CCDC66: variants seen among roughly 807,000 people sequenced by gnomAD.
The protein encoded by CCDC66 is coiled-coil domain containing 66.
A neutral mutation model predicts 128.3 loss-of-function variants in CCDC66; 133 were observed. The observed-to-expected ratio is 1.04, with a 90% CI of 0.90 to 1.20. The LOEUF (loss-of-function observed/expected upper bound fraction) is 1.20, where lower values mean the gene tolerates loss of function less well. CCDC66 is among the 50% of genes most tolerant of loss of function. The pLI is 0.00. For synonymous variants in CCDC66, 387 were observed against 357.0 expected, an observed-to-expected ratio of 1.08 and a Z score of -0.95; for missense variants, 1,126 against 1,075.5, an observed-to-expected ratio of 1.05 and a Z score of -0.66.
intron 7 of CCDC66, among the ~76,000 whole-genome samples, chr3:56,585,627 C>T (rs1472810426): frequency 6.6e-6 from 1 of 151,688 alleles, no homozygotes; most frequent in Non-Finnish European, 1.5e-5. Context: ...CTTCTTCAAG[C>T]ATTTAAATAT....
intron 14 of CCDC66, 178 bp from the exon 15 acceptor site, chr3:56,617,994 G>C (rs2075734831): frequency 4.9e-6 from 3 of 617,182 alleles, no homozygotes; most frequent in Non-Finnish European, 8.6e-6. Context: ...TGGGAGATTA[G>C]GAACTCCCAA....
chr3:56,616,621 T>C (rs1406782655), intron 13 of CCDC66: 2 of 155,564 alleles, frequency 1.3e-5, no homozygotes, highest in African/African-American at 2.4e-5. Flanking sequence ...AACATTCATA[T>C]ATAGATTTTT....
intron 7 of CCDC66, among the ~76,000 whole-genome samples, chr3:56,586,646 A>C (rs2069813016): frequency 6.6e-6 from 1 of 151,964 alleles, no homozygotes; most frequent in African/African-American, 2.4e-5. Flanking sequence ...CAAGATAACA[A>C]GAATCAACTC....
At chr3:56,564,250 ATAAT>A (rs1392128553) in intron 4 of CCDC66, 125 bp downstream of exon 4, 1 of 683,046 alleles carries the variant, frequency 1.5e-6, no homozygotes, top group African/African-American at 2.0e-5. Context: ...ATCTATTAAA[ATAAT>A]TGTTCTTTTA....
intron 7 of CCDC66, among the ~76,000 whole-genome samples, chr3:56,588,587 G>T (rs78660090): frequency 2.6e-4 from 39 of 152,206 alleles, no homozygotes; most frequent in African/African-American, 9.2e-4. Context: ...CACCAAGTGG[G>T]GTGATGTTAA....
At chr3:56,563,442 G>C (rs6792321) in intron 3 of CCDC66, 151,005 of 393,758 alleles carry the variant, frequency 0.38, 33,412 homozygotes, top group Non-Finnish European at 0.48. Context: ...AATGACATAA[G>C]ATTCAAAGCT....
At position 56,563,990 on chromosome 3, in the gene CCDC66, A is replaced by G. The variant is rs775743963; in HGVS notation, c.409A>G (p.Lys137Glu). ...TSLVGKQKPH[K>E]KHITAENMKS... is the part of the protein sequence containing the mutation. ...TCTAGTAGGTAAACAGAAGCCTCAC[A>G]AAAAACACATCACAGCTGAAAACAT... Residue 137 changes from lysine (K) to glutamate (E), a missense_variant, in exon 4 of 18, where the codon AAA becomes GAA. Coordinates refer to ENST00000394672, the MANE Select transcript of CCDC66 (RefSeq NM_001141947.3). 2.4e-5 allele frequency: 39 copies of G among 1,613,900 alleles called. No homozygotes were observed. The Admixed American group carries it at 5.2e-4, about 21-fold the overall frequency.
chr3:56,618,111 T>C, intron 14 of CCDC66, 61 bp from the exon 15 acceptor site: 5 of 1,296,280 alleles, frequency 3.9e-6, no homozygotes, highest in South Asian at 2.4e-5. Context: ...CCTAAAAATA[T>C]TTGTGGGGAC....
At chr3:56,621,276 C>T (rs2076563888) in intron 17 of CCDC66, 1 of 284,252 alleles carries the variant, frequency 3.5e-6, no homozygotes, top group Non-Finnish European at 6.5e-6. Flanking sequence ...TCATTTACCC[C>T]CATAGTTATG....
chr3:56,589,312 C>CAA (rs988540270), intron 7 of CCDC66, among the ~76,000 whole-genome samples: 1 of 152,128 alleles, frequency 6.6e-6, no homozygotes, highest in Non-Finnish European at 1.5e-5. Flanking sequence ...AAAAACCCAA[C>CAA]AAAATAAACT....
intron 14 of CCDC66, 104 bp from the exon 15 acceptor site, chr3:56,618,068 A>G (rs757670876): frequency 2.3e-4 from 213 of 927,762 alleles, no homozygotes; most frequent in Non-Finnish European, 3.5e-4. Context: ...CCTGTTATTC[A>G]AATATTACCC....
At chr3:56,613,543 T>A in intron 10 of CCDC66, 46 bp from the exon 11 acceptor site, 1 of 1,589,964 alleles carries the variant, frequency 6.3e-7, no homozygotes, top group East Asian at 2.2e-5. Flanking sequence ...CCCTCCTGCT[T>A]AGATTTTTAT....
chr3:56,593,608 C>T lies in CCDC66; in HGVS notation c.1186C>T (p.Pro396Ser). The change falls in exon 9 of 18, where the codon CCT becomes TCT. Residue 396 changes from proline to serine, a missense_variant. Coordinates refer to ENST00000394672, the MANE Select transcript of CCDC66 (RefSeq NM_001141947.3). Reference sequence around the variant, plus strand: ...ACAACCTGAGTACTTCTGTGTCTCTCCTGACACTCAGGAGCTGGCTGATGT... The same window carrying T: ...ACAACCTGAGTACTTCTGTGTCTCTTCTGACACTCAGGAGCTGGCTGATGT... ...HKQPEYFCVS[P>S]DTQELADVSS... The T allele has an allele frequency of 1.2e-6, 2 of 1,614,158 alleles. No individual in the cohort carries two copies. Among genetic ancestry groups the T allele is most frequent in the South Asian group, 2.2e-5 (2 of 91,074 alleles).
rs772968014 is a variant in CCDC66, at chr3:56,619,327, C to T, written c.2435C>T (p.Thr812Ile). 20 of 1,613,186 alleles carry T rather than the reference C, an allele frequency of 1.2e-5. No homozygotes were observed. The South Asian group carries it at 2.0e-4, about 16-fold the overall frequency. Reference sequence around the variant, plus strand: ...AACAGAACCCAACAAACTCAAAATACATTACATTTACCACTAAAAAACAGT... The same window carrying T: ...AACAGAACCCAACAAACTCAAAATATATTACATTTACCACTAAAAAACAGT... Reference protein sequence around the residue: ...VKNRTQQTQNTLHLPLKNSSY... With the variant: ...VKNRTQQTQNILHLPLKNSSY... The change falls in exon 16 of 18, where the codon ACA becomes ATA. Residue 812 changes from threonine (T) to isoleucine (I), a missense_variant. Physicochemically the swap from Thr to Ile is moderately conservative, Grantham distance 89. Coordinates refer to ENST00000394672, the MANE Select transcript of CCDC66 (RefSeq NM_001141947.3).
chr3:56,621,552 G>T lies in CCDC66; in HGVS notation c.2781G>T (p.Lys927Asn). 6.3e-7 allele frequency: 1 copy of T among 1,596,100 alleles called. No homozygotes were observed. Residue 927 changes from lysine to asparagine, a missense_variant, in exon 18 of 18, where the codon AAG becomes AAT. By Grantham distance (94) the Lys-to-Asn change is moderately conservative (BLOSUM62 0). Coordinates refer to ENST00000394672, the MANE Select transcript of CCDC66 (RefSeq NM_001141947.3). Reference protein sequence around the residue: ...ELRQGLLQKQKELESSLLPLA... With the variant: ...ELRQGLLQKQNELESSLLPLA... The stretch of plus-strand genomic sequence containing the variant: ...TTCAGGGCCTTCTCCAGAAGCAAAA[G>T]GAGTTGGAAAGTAGTCTCCTGCCTT...
intron 10 of CCDC66, among the ~76,000 whole-genome samples, chr3:56,606,214 G>A (rs2074047547): frequency 6.6e-6 from 1 of 152,030 alleles, no homozygotes; most frequent in Admixed American, 6.6e-5. Flanking sequence ...GAGCTCCCTG[G>A]GGATAGGACC....
chr3:56,564,233 C>T (rs1219498933), intron 4 of CCDC66, 108 bp downstream of exon 4: 4 of 755,168 alleles, frequency 5.3e-6, no homozygotes, highest in East Asian at 5.4e-5. Flanking sequence ...TCTAATTTAA[C>T]CTGTCAATCT....
At position 56,593,079 on chromosome 3, in the gene CCDC66, A is replaced by G; in HGVS notation, c.1046A>G (p.Glu349Gly). Residue 349 changes from glutamate to glycine, a missense_variant, in exon 8 of 18, where the codon GAG becomes GGG. Glu to Gly is a moderately conservative substitution (Grantham distance 98). Coordinates refer to ENST00000394672, the MANE Select transcript of CCDC66 (RefSeq NM_001141947.3). ...GAAGATGACCGTCAAAGAAAAATAG[A>G]GGAAAAAATTATATATTCAAAGGTA... Reference protein sequence around the residue: ...QIEDDRQRKIEEKIIYSKGEE... With the variant: ...QIEDDRQRKIGEKIIYSKGEE... 6.2e-7 allele frequency: 1 copy of G among 1,600,070 alleles called. No individual in the cohort carries two copies. The highest frequency in any genetic ancestry group is 8.5e-7 in the Non-Finnish European group (1 of 1,171,792).
In CCDC66 at chr3:56,606,362, A is replaced by G. The variant is rs139428453; in HGVS notation, c.1405-7227A>G. On this transcript the variant is annotated intron_variant, in intron 10 of 17. Transcript: ENST00000394672. ...CTACAGTTAGCTCGGTGTCTGCACA[A>G]ACGGCCGCCCAGTTTTGTGCTTGAA... is the stretch of plus-strand genomic sequence containing the variant. Among the ~76,000 whole-genome samples the G allele has an allele frequency of 4.6e-3, 706 of 152,078 alleles. 15 individuals are homozygous for G. Among genetic ancestry groups the G allele is most frequent in the African/African-American group, 0.016 (660 of 41,420 alleles).
Sources: allele counts gnomAD v4.1 joint callset (sites outside exome capture counted in the v4.1 genomes callset), GRCh38; gene constraint gnomAD v4.1.1; transcripts MANE v1.5; gene names NCBI Gene and HGNC (gene_info 2026-07-23, HGNC 2026-07-21).